FGF14: variants seen among roughly 807,000 people sequenced by gnomAD.
The protein encoded by FGF14 is fibroblast growth factor 14.
A neutral mutation model predicts 25.5 loss-of-function variants in FGF14; 5 were observed. The ratio of observed to expected loss-of-function variants is 0.20; its 90% CI spans 0.10 to 0.41. The LOEUF is 0.41. Among genes scored for constraint, FGF14 ranks in the 10% least tolerant of loss-of-function variants. The pLI, the probability that FGF14 is intolerant of heterozygous loss-of-function variation, is 1.00. For missense variants in FGF14, 222 were observed against 320.1 expected, an observed-to-expected ratio of 0.69 and a Z score of 2.34; for synonymous variants, 138 against 118.3, an observed-to-expected ratio of 1.17 and a Z score of -1.08.
At chr13:101,952,362 T>A (rs1049278627) in intron 1 of FGF14, among the ~76,000 whole-genome samples, 1 of 152,176 alleles carries the variant, frequency 6.6e-6, no homozygotes, top group African/African-American at 2.4e-5. Flanking sequence ...CTAGATCCTG[T>A]TTTTCTTTTA....
intron 1 of FGF14, chr13:102,293,585 T>A (rs903663507): frequency 6.6e-6 from 1 of 152,150 alleles, no homozygotes; most frequent in South Asian, 2.1e-4. Flanking sequence ...GAAAAAAAGA[T>A]GCCACTTGAA....
intron 1 of FGF14, among the ~76,000 whole-genome samples, chr13:102,151,814 A>G (rs947429982): frequency 1.3e-5 from 2 of 152,178 alleles, no homozygotes; most frequent in Admixed American, 6.5e-5. Flanking sequence ...TTTACCTTCA[A>G]GTAAACAGTC....
intron 1 of FGF14, among the ~76,000 whole-genome samples, chr13:101,935,619 T>C (rs2035050022): frequency 6.6e-6 from 1 of 152,196 alleles, no homozygotes; most frequent in Non-Finnish European, 1.5e-5. Context: ...TGCCTTCCAC[T>C]ATGATTGTAA....
intron 1 of FGF14, among the ~76,000 whole-genome samples, chr13:102,258,990 G>GA (rs2052585934): frequency 6.6e-6 from 1 of 152,008 alleles, no homozygotes; most frequent in Non-Finnish European, 1.5e-5. Flanking sequence ...TTTTTCTAGA[G>GA]AAAAAATTAA....
intron 1 of FGF14, among the ~76,000 whole-genome samples, chr13:102,087,472 C>T (rs1595227372): frequency 1.7e-5 from 2 of 119,368 alleles, no homozygotes; most frequent in South Asian, 2.9e-4. Context: ...AGTGTAGTGG[C>T]GTGATCTCGG....
intron 1 of FGF14, among the ~76,000 whole-genome samples, chr13:102,062,615 G>T (rs1217570743): frequency 6.6e-6 from 1 of 152,074 alleles, no homozygotes; most frequent in Non-Finnish European, 1.5e-5. Context: ...GCAGGTAAAT[G>T]TAAACATTTG....
In FGF14 at chr13:101,868,714, G is replaced by A. The variant is rs753254332; in HGVS notation, c.408+11C>T. 1.4e-5 allele frequency: 21 copies of A among 1,506,978 alleles called. 1 individual carries two copies. The highest frequency in any genetic ancestry group is 4.1e-5 in the African/African-American group (3 of 72,624). 93.4% of individuals were successfully genotyped at this position (1,506,978 alleles called of 1,614,324 possible). ...TGAACGAATGGCCGAGATCTTTGGCGTCTTACTTACTGATGGGTAGAGGTA... is the reference window on the plus strand; with the variant it reads ...TGAACGAATGGCCGAGATCTTTGGCATCTTACTTACTGATGGGTAGAGGTA... On this transcript the variant is annotated intron_variant, in intron 3 of 4. Transcript: ENST00000376143.
intron 3 of FGF14, among the ~76,000 whole-genome samples, chr13:101,805,079 A>G (rs1230447671): frequency 6.6e-6 from 1 of 152,160 alleles, no homozygotes; most frequent in African/African-American, 2.4e-5. Flanking sequence ...ACAGTTTAAA[A>G]CTTATGACTA....
chr13:102,074,908 A>T (rs1378893447), intron 1 of FGF14, among the ~76,000 whole-genome samples: 1 of 152,220 alleles, frequency 6.6e-6, no homozygotes, highest in African/African-American at 2.4e-5. Flanking sequence ...AATAAATTAG[A>T]TATAGAGAGA....
chr13:102,104,619 T>A (rs80334372), intron 1 of FGF14, among the ~76,000 whole-genome samples: 4 of 151,454 alleles, frequency 2.6e-5, no homozygotes, highest in Non-Finnish European at 5.9e-5. Context: ...CTACAAAAAA[T>A]ACACACACAC....
intron 1 of FGF14, among the ~76,000 whole-genome samples, chr13:102,069,427 C>A (rs1373375730): frequency 6.6e-6 from 1 of 152,172 alleles, no homozygotes; most frequent in Non-Finnish European, 1.5e-5. Flanking sequence ...CATTGGCAAC[C>A]CGCTCGGGTC....
intron 1 of FGF14, among the ~76,000 whole-genome samples, chr13:101,909,424 G>C (rs2032648382): frequency 6.6e-6 from 1 of 152,174 alleles, no homozygotes; most frequent in Admixed American, 6.5e-5. Flanking sequence ...ATCATAAAGT[G>C]GGTGAAGGAT....
chr13:101,789,880 A>C (rs976989273), intron 3 of FGF14, among the ~76,000 whole-genome samples: 1 of 151,564 alleles, frequency 6.6e-6, no homozygotes, highest in African/African-American at 2.4e-5. Context: ...TTAATATTTA[A>C]ATGACTTTAC....
rs539000657 is a variant in FGF14, at chr13:102,163,442, G to A, written c.208+238029C>T. The stretch of plus-strand genomic sequence containing the variant: ...GGGTTATAAAGGTGAGGAAAGCAGT[G>A]TTGAGGCTCTGCCATCGAGGAAGTT... On this transcript the variant is annotated intron_variant, in intron 1 of 4. Transcript: ENST00000376131. Among the ~76,000 whole-genome samples the A allele has an allele frequency of 3.9e-5, 6 of 152,288 alleles. No individual in the cohort carries two copies. In the South Asian group the frequency reaches 1.2e-3, roughly 32 times the overall value.
chr13:101,917,559 C>T (rs573303935), upstream of FGF14, among the ~76,000 whole-genome samples: 5 of 152,014 alleles, frequency 3.3e-5, no homozygotes, highest in South Asian at 1.0e-3. Flanking sequence ...CACTGAAACT[C>T]TCAGCAGCGG....
chr13:102,392,833 C>T (rs1190913148), intron 1 of FGF14, among the ~76,000 whole-genome samples: 1 of 152,164 alleles, frequency 6.6e-6, no homozygotes, highest in Non-Finnish European at 1.5e-5. Flanking sequence ...GCTCTTCCTC[C>T]CTGGTCTTTC....
At chr13:102,152,281 G>C (rs911218360) in intron 1 of FGF14, among the ~76,000 whole-genome samples, 1 of 152,172 alleles carries the variant, frequency 6.6e-6, no homozygotes, top group Non-Finnish European at 1.5e-5. Flanking sequence ...ATGTTAGTTT[G>C]CTAGGGTTCC....
At chr13:101,932,359 C>T (rs185873046) in intron 1 of FGF14, among the ~76,000 whole-genome samples, 360 of 151,784 alleles carry the variant, frequency 2.4e-3, no homozygotes, top group Middle Eastern at 6.8e-3. Flanking sequence ...GTGAAACCCC[C>T]ATCTCTCCTA....
At chr13:102,205,358 C>CA (rs200126704) in intron 1 of FGF14, among the ~76,000 whole-genome samples, 232 of 150,328 alleles carry the variant, frequency 1.5e-3, no homozygotes, top group East Asian at 5.9e-3. Flanking sequence ...CGCACACACT[C>CA]AAAAAAAACC....
Sources: gnomAD v4.1 joint callset for allele counts (sites outside exome capture counted in the v4.1 genomes callset) on GRCh38, gnomAD v4.1.1 for gene constraint, MANE v1.5 for transcripts, NCBI Gene and HGNC (gene_info 2026-07-23, HGNC 2026-07-21) for gene names.